Variants in ST18 observed in about 807,000 individuals in gnomAD.
The protein encoded by ST18 is ST18 C2H2C-type zinc finger transcription factor, also known as suppression of tumorigenicity 18 protein.
In ST18, 50 loss-of-function variants were observed where a neutral mutation model predicts 110.0. That is an observed-to-expected ratio of 0.45 (90% CI 0.36 to 0.58). The LOEUF (loss-of-function observed/expected upper bound fraction) is 0.58, where lower values mean the gene tolerates loss of function less well. Among genes scored for constraint, ST18 ranks in the 20% least tolerant of loss-of-function variants. ST18 has a pLI of 0.00. For synonymous variants in ST18, 461 were observed against 452.4 expected, an observed-to-expected ratio of 1.02 and a Z score of -0.24; for missense variants, 1,306 against 1,280.1, an observed-to-expected ratio of 1.02 and a Z score of -0.31.
intron 9 of ST18, among the ~76,000 whole-genome samples, chr8:52,174,827 C>T (rs913896115): frequency 1.3e-5 from 2 of 150,876 alleles, no homozygotes; most frequent in African/African-American, 5.0e-5. Flanking sequence ...ACCAACTTTC[C>T]ACATTCCACC....
chr8:52,216,350 TA>T (rs2084207676), intron 6 of ST18, among the ~76,000 whole-genome samples: 1 of 152,190 alleles, frequency 6.6e-6, no homozygotes, highest in African/African-American at 2.4e-5. Context: ...GCTGGTCTCA[TA>T]ATTGTGTTCT....
chr8:52,356,320 C>T (rs1822726255), intron 2 of ST18, among the ~76,000 whole-genome samples: 1 of 151,826 alleles, frequency 6.6e-6, no homozygotes, highest in African/African-American at 2.4e-5. Flanking sequence ...TTTTTTTAGC[C>T]CCAAGTGTTT....
At chr8:52,367,450 T>A (rs1430017869) in intron 2 of ST18, among the ~76,000 whole-genome samples, 1 of 151,958 alleles carries the variant, frequency 6.6e-6, no homozygotes, top group Admixed American at 6.6e-5. Context: ...AATTAAAAAA[T>A]TTAAAAATAT....
At chr8:52,130,092 GAA>G (rs1301810722) in intron 22 of ST18, among the ~76,000 whole-genome samples, 3 of 72,260 alleles carry the variant, frequency 4.2e-5, no homozygotes, top group Non-Finnish European at 5.3e-5. Context: ...GAGAAAGAAA[GAA>G]AAAGAAAGAA....
chr8:52,214,443 T>C (rs537307195), intron 6 of ST18, among the ~76,000 whole-genome samples, 186 bp from the exon 7 acceptor site: 1 of 152,212 alleles, frequency 6.6e-6, no homozygotes, highest in Admixed American at 6.5e-5. Flanking sequence ...GAAATACATC[T>C]ACAGTTGCTG....
intron 2 of ST18, among the ~76,000 whole-genome samples, chr8:52,401,482 C>A (rs1255655796): frequency 6.6e-6 from 1 of 152,084 alleles, no homozygotes; most frequent in Non-Finnish European, 1.5e-5. Context: ...TAATGAGTGT[C>A]TTATAAATCC....
At chr8:52,262,259 A>G (rs1345695514) in intron 2 of ST18, among the ~76,000 whole-genome samples, 1 of 152,180 alleles carries the variant, frequency 6.6e-6, no homozygotes, top group Non-Finnish European at 1.5e-5. Flanking sequence ...GGCCTCAACT[A>G]TCATCACCAT....
rs565673586 is a variant in ST18, at chr8:52,110,945, C to A, written c.*2253G>T. 18 of 397,930 alleles carry A rather than the reference C, an allele frequency of 4.5e-5. No homozygotes were observed. Among genetic ancestry groups the A allele is most frequent in the African/African-American group, 2.7e-4 (13 of 48,676 alleles). 24.6% of individuals were successfully genotyped at this position (397,930 alleles called of 1,614,324 possible). ...AGTGTTTGGAGAAACAGTATACAAA[C>A]AAACTACCTCAAATTAAAAAAAATG... is the stretch of plus-strand genomic sequence containing the variant. On this transcript the variant is annotated 3_prime_UTR_variant, in exon 26 of 26. Transcript: ENST00000689386.
chr8:52,166,581 CCT>C (rs2063068202), intron 11 of ST18, among the ~76,000 whole-genome samples: 2 of 152,198 alleles, frequency 1.3e-5, no homozygotes, highest in African/African-American at 4.8e-5. Flanking sequence ...CCTGTGTGGC[CCT>C]CTGTGCTGTG....
intron 16 of ST18, among the ~76,000 whole-genome samples, chr8:52,148,804 A>C (rs1198508609): frequency 6.6e-6 from 1 of 152,146 alleles, no homozygotes; most frequent in Admixed American, 6.5e-5. Flanking sequence ...TTATACTTTG[A>C]GATGTTAAGC....
chr8:52,148,116 G>C (rs1313695767), intron 16 of ST18, among the ~76,000 whole-genome samples: 2 of 151,628 alleles, frequency 1.3e-5, no homozygotes, highest in Admixed American at 1.3e-4. Context: ...ATGCACACTT[G>C]CCAGTTTGTG....
At chr8:52,215,352 T>G (rs7015715) in intron 6 of ST18, among the ~76,000 whole-genome samples, 34,136 of 152,170 alleles carry the variant, frequency 0.22, 4,645 homozygotes, top group African/African-American at 0.37. Flanking sequence ...CACATAATAG[T>G]TTCATTACTT....
chr8:52,180,658 C>A lies in ST18; in HGVS notation c.87-346G>T, dbSNP rs2069066455. Among the ~76,000 whole-genome samples the A allele has an allele frequency of 2.0e-5, 3 of 151,558 alleles. No individual in the cohort carries two copies. The East Asian group carries it at 5.8e-4, about 29-fold the overall frequency. ...AGAAACAGCTAATGTGAAAAATATA[C>A]CACCAGATACAAAAAAAAAATGTGC... is the stretch of plus-strand genomic sequence containing the variant. On this transcript the variant is annotated intron_variant, in intron 8 of 25. Coordinates refer to ENST00000689386, the MANE Select transcript of ST18 (RefSeq NM_001352837.2).
chr8:52,172,111 A>C lies in ST18; in HGVS notation c.750T>G (p.Cys250Trp), dbSNP rs756469345. 3 of 1,614,066 alleles carry C rather than the reference A, an allele frequency of 1.9e-6. No homozygotes were observed. Among genetic ancestry groups the C allele is most frequent in the Non-Finnish European group, 2.5e-6 (3 of 1,180,042 alleles). The change falls in exon 10 of 26, where the codon TGT (cysteine) becomes TGG (tryptophan). Residue 250 changes from cysteine to tryptophan, a missense_variant. By Grantham distance (215) the Cys-to-Trp change is radical. Coordinates refer to ENST00000689386, the MANE Select transcript of ST18 (RefSeq NM_001352837.2). ...GDKFIPCENR[C>W]DSETERKDPQ... ...GGTCTTTCCTTTCTGTTTCAGAATC[A>C]CACCTGTTCTCACAAGGGATAAATT...
intron 2 of ST18, among the ~76,000 whole-genome samples, chr8:52,266,796 G>A (rs2094886326): frequency 6.6e-6 from 1 of 152,052 alleles, no homozygotes; most frequent in African/African-American, 2.4e-5. Context: ...AAAGTGCTAG[G>A]ATTACAGATG....
chr8:52,345,979 T>C (rs1817551170), intron 2 of ST18, among the ~76,000 whole-genome samples: 1 of 151,910 alleles, frequency 6.6e-6, no homozygotes, highest in Non-Finnish European at 1.5e-5. Flanking sequence ...ATTAGTTATA[T>C]GAAAAAATAA....
At chr8:52,155,148 G>A (rs1244128883) in intron 15 of ST18, among the ~76,000 whole-genome samples, 2 of 151,194 alleles carry the variant, frequency 1.3e-5, no homozygotes, top group Non-Finnish European at 2.9e-5. Context: ...GTTGCAGTGA[G>A]TGAAGATAAC....
chr8:52,346,213 A>C (rs1817705184), intron 2 of ST18, among the ~76,000 whole-genome samples: 3 of 151,182 alleles, frequency 2.0e-5, no homozygotes, highest in Admixed American at 2.0e-4. Context: ...AAAAGTTTTA[A>C]ACGAAAATAA....
chr8:52,281,739 C>A (rs1012882247), intron 2 of ST18, among the ~76,000 whole-genome samples: 1 of 152,172 alleles, frequency 6.6e-6, no homozygotes, highest in African/African-American at 2.4e-5. Context: ...TAATGGCATT[C>A]GCAGGAATCT....
Sources: allele counts gnomAD v4.1 joint callset (sites outside exome capture counted in the v4.1 genomes callset), GRCh38; gene constraint gnomAD v4.1.1; transcripts MANE v1.5; gene names NCBI Gene and HGNC (gene_info 2026-07-23, HGNC 2026-07-21).